PIWIL1: variants seen among roughly 807,000 people sequenced by gnomAD.
PIWIL1 encodes piwi like RNA-mediated gene silencing 1, also known as piwi-like protein 1.
A neutral mutation model predicts 114.4 loss-of-function variants in PIWIL1; 73 were observed. That is an observed-to-expected ratio of 0.64 (90% CI 0.53 to 0.78). PIWIL1 has a LOEUF of 0.78. PIWIL1 is among the 30% of genes least tolerant of loss of function. The pLI is 0.00. For missense variants in PIWIL1, 723 were observed against 1,063.1 expected (o/e 0.68, Z 4.45); for synonymous variants, 375 against 369.0 (o/e 1.02, Z -0.19).
At position 130,354,407 on chromosome 12, in the gene PIWIL1, T is replaced by C. The variant is rs572907360; in HGVS notation, c.1045-130T>C. The stretch of plus-strand genomic sequence containing the variant: ...AAAAAATGCCTTTTTAAAACTTTAC[T>C]CTGAAGCTATTATCAGCCTTGCTAT... On this transcript the variant is annotated intron_variant, in intron 9 of 20. Transcript: ENST00000245255. 51 of 1,177,458 alleles carry C rather than the reference T, an allele frequency of 4.3e-5. No individual in the cohort carries two copies. The East Asian group carries it at 1.1e-3, about 27-fold the overall frequency. 72.9% of individuals were successfully genotyped at this position (1,177,458 alleles called of 1,614,324 possible). A position where few individuals can be genotyped will look rare whatever the true frequency, so the allele number is the denominator to read the frequency against.
chr12:130,424,751 C>T, the PIWIL1 span: 29 of 1,232,310 alleles, frequency 2.4e-5, 1 homozygote, highest in Non-Finnish European at 2.7e-5. The surrounding 1 kb of genome is among the most constrained non-coding windows in gnomAD (Gnocchi z 9.8). Context: ...ACTCTCCGTC[C>T]TCTTCCGCTA....
At chr12:130,397,203 G>A in the PIWIL1 span, 6 of 379,978 alleles carry the variant, frequency 1.6e-5, no homozygotes, top group African/African-American at 4.1e-5. Context: ...CTTTGTTCTC[G>A]TGGTTGGTTT....
chr12:130,424,724 G>C, the PIWIL1 span: 1 of 1,232,170 alleles, frequency 8.1e-7, no homozygotes, highest in African/African-American at 1.6e-5. This position sits in a 1 kb window ranked among gnomAD's most constrained non-coding sequence, Gnocchi z 9.8. Context: ...CACCCTGCTT[G>C]TGTAGCAGCC....
chr12:130,338,820 C>G (rs1323427065), intron 1 of PIWIL1, among the ~76,000 whole-genome samples: 2 of 85,292 alleles, frequency 2.3e-5, no homozygotes, highest in Admixed American at 1.6e-4. Context: ...GGGGGAAGCG[C>G]TGAGGCCCGA....
the PIWIL1 span, among the ~76,000 whole-genome samples, chr12:130,413,463 C>T: frequency 6.6e-6 from 1 of 151,852 alleles, no homozygotes; most frequent in Non-Finnish European, 1.5e-5. Flanking sequence ...ATCCCTGTCT[C>T]TACTAAAAAT....
the PIWIL1 span, chr12:130,407,925 C>G: frequency 1.9e-6 from 2 of 1,079,144 alleles, no homozygotes; most frequent in South Asian, 2.5e-5. Context: ...CCAATACAGC[C>G]GAGACCTGGC....
the PIWIL1 span, among the ~76,000 whole-genome samples, chr12:130,417,739 GTTTAT>G: frequency 2.4e-3 from 362 of 152,090 alleles, no homozygotes; most frequent in Middle Eastern, 0.01. Context: ...AAAGTTGAAA[GTTTAT>G]TTTAAGAAAT....
the PIWIL1 span, among the ~76,000 whole-genome samples, chr12:130,421,518 T>C: frequency 6.6e-6 from 1 of 152,214 alleles, no homozygotes; most frequent in South Asian, 2.1e-4. Flanking sequence ...TCATTTTGAA[T>C]TGATGGAAAA....
At chr12:130,355,322 C>T (rs764176342) in intron 11 of PIWIL1, among the ~76,000 whole-genome samples, 10 of 152,144 alleles carry the variant, frequency 6.6e-5, no homozygotes, top group African/African-American at 9.6e-5. Context: ...TTTCCTTTGA[C>T]GGGGAGAAAG....
intron 6 of PIWIL1, 128 bp downstream of exon 6, chr12:130,347,190 A>C (rs1464548315): frequency 1.4e-5 from 10 of 705,058 alleles, no homozygotes; most frequent in Non-Finnish European, 2.1e-5. Context: ...TCTGTATTGC[A>C]GTAACTTAAG....
In PIWIL1 at chr12:130,354,609, G is replaced by GC. The variant is rs1238057068; in HGVS notation, c.1117_1118insC (p.Gly373AlafsTer13). 2 of 1,612,414 alleles carry GC rather than the reference G, an allele frequency of 1.2e-6. No individual in the cohort carries two copies. The highest frequency in any genetic ancestry group is 2.7e-5 in the African/African-American group (2 of 74,774). ...CCAGCCCAAGAGAAGGCGGGGCCCT[G>GC]GGGGGACACTGCCAGGGCCTGCCAT... is the stretch of plus-strand genomic sequence containing the variant. On this transcript the variant is annotated frameshift_variant, in exon 10 of 21. Coordinates refer to ENST00000245255, the MANE Select transcript of PIWIL1 (RefSeq NM_004764.5). LOFTEE classifies it high-confidence loss of function.
chr12:130,423,450 A>G, the PIWIL1 span, among the ~76,000 whole-genome samples: 1 of 152,212 alleles, frequency 6.6e-6, no homozygotes, highest in Non-Finnish European at 1.5e-5. Context: ...TTCAATGAAA[A>G]GGTCAGCATG....
At chr12:130,395,212 AC>A in the PIWIL1 span, among the ~76,000 whole-genome samples, 1 of 152,226 alleles carries the variant, frequency 6.6e-6, no homozygotes, top group South Asian at 2.1e-4. Flanking sequence ...ACAGAAAATT[AC>A]ACTCACACTG....
the PIWIL1 span, among the ~76,000 whole-genome samples, chr12:130,392,905 C>G: frequency 8.7e-6 from 1 of 114,524 alleles, no homozygotes; most frequent in African/African-American, 2.9e-5. Context: ...ATGACCCGGT[C>G]ACCGTCATCA....
the PIWIL1 span, among the ~76,000 whole-genome samples, chr12:130,417,866 G>A: frequency 2.0e-5 from 3 of 151,692 alleles, no homozygotes; most frequent in African/African-American, 7.3e-5. Context: ...AGAGAGAATG[G>A]GAGGGGAGAG....
At chr12:130,343,320 G>A (rs756137826) in intron 3 of PIWIL1, among the ~76,000 whole-genome samples, 1 of 152,186 alleles carries the variant, frequency 6.6e-6, no homozygotes, top group East Asian at 1.9e-4. Context: ...TTAAAAAAAT[G>A]GTTACTCAGG....
intron 1 of PIWIL1, chr12:130,339,579 A>C (rs372677181): frequency 6.6e-6 from 1 of 152,354 alleles, no homozygotes; most frequent in African/African-American, 2.4e-5. Context: ...GGAAGCACAC[A>C]CTTGCTTTCT....
intron 5 of PIWIL1, 135 bp from the exon 6 acceptor site, chr12:130,346,806 C>T: frequency 8.7e-7 from 1 of 1,151,386 alleles, no homozygotes; most frequent in Middle Eastern, 2.0e-4. Flanking sequence ...CTCTTTTTCT[C>T]AGAGCCATTT....
the PIWIL1 span, chr12:130,414,364 A>G: frequency 3.4e-5 from 51 of 1,493,606 alleles, no homozygotes; most frequent in Non-Finnish European, 4.4e-5. Context: ...AGGAGCGTGC[A>G]CGGGAAATGC....
Sources: allele counts gnomAD v4.1 joint callset (sites outside exome capture counted in the v4.1 genomes callset), GRCh38; gene constraint gnomAD v4.1.1; non-coding constraint Gnocchi (gnomAD v3.1); transcripts MANE v1.5; gene names NCBI Gene and HGNC (gene_info 2026-07-23, HGNC 2026-07-21).